Variants in ETV5 observed in about 807,000 individuals in gnomAD.
ETV5 encodes the protein ETS translocation variant 5.
In ETV5, 10 loss-of-function variants were observed where a neutral mutation model predicts 70.0. The observed-to-expected ratio is 0.14, with a 90% CI of 0.09 to 0.24. The LOEUF (loss-of-function observed/expected upper bound fraction) is 0.24, where lower values mean the gene tolerates loss of function less well. Ranked by LOEUF, ETV5 falls within the 10% of genes least tolerant of loss-of-function variation. ETV5 has a pLI of 1.00. For synonymous variants in ETV5, 216 were observed against 242.2 expected (o/e 0.89, Z 1.01); for missense variants, 453 against 651.2 (o/e 0.70, Z 3.31).
At chr3:186,097,547 G>A (rs1225412255) in intron 5 of ETV5, among the ~76,000 whole-genome samples, 1 of 152,170 alleles carries the variant, frequency 6.6e-6, no homozygotes, top group Non-Finnish European at 1.5e-5. Context: ...CTCTCCAGGG[G>A]AAGCTAAACC....
chr3:186,096,879 G>A (rs1405564916), intron 5 of ETV5, among the ~76,000 whole-genome samples: 5 of 152,126 alleles, frequency 3.3e-5, no homozygotes, highest in Non-Finnish European at 7.3e-5. Flanking sequence ...AGATGTTGGA[G>A]GATGTTTAAG....
chr3:186,078,714 G>A (rs1437507960), intron 7 of ETV5, among the ~76,000 whole-genome samples: 1 of 152,026 alleles, frequency 6.6e-6, no homozygotes, highest in East Asian at 1.9e-4. Flanking sequence ...CCCCGTCAGT[G>A]CTCACCCCTT....
At chr3:186,106,237 TAAATA>T (rs1714584572) in intron 1 of ETV5, among the ~76,000 whole-genome samples, 1 of 152,114 alleles carries the variant, frequency 6.6e-6, no homozygotes, top group Non-Finnish European at 1.5e-5. Context: ...CAAAAATAAA[TAAATA>T]AAATAAAATA....
At chr3:186,062,157 T>C (rs1713320019) in intron 9 of ETV5, among the ~76,000 whole-genome samples, 1 of 152,238 alleles carries the variant, frequency 6.6e-6, no homozygotes, top group Non-Finnish European at 1.5e-5. Context: ...CAATGAGTAC[T>C]GTGCAGCCAT....
intron 9 of ETV5, among the ~76,000 whole-genome samples, chr3:186,061,086 G>C (rs1001446904): frequency 2.0e-5 from 3 of 152,158 alleles, no homozygotes; most frequent in African/African-American, 7.2e-5. Flanking sequence ...AACCAAGTGA[G>C]TGCGAAGCAG....
In ETV5 at chr3:186,105,468, T is replaced by C. The variant is rs1466364036; in HGVS notation, c.162A>G (p.Gln54=). 6.2e-7 allele frequency: 1 copy of C among 1,614,178 alleles called. No homozygotes were observed. The highest frequency in any genetic ancestry group is 1.7e-5 in the Admixed American group (1 of 60,024). Residue 54 remains glutamine, a synonymous_variant, in exon 4 of 13, where the codon CAA becomes CAG. Transcript: ENST00000306376. This position sits in a 1 kb window ranked among gnomAD's most constrained non-coding sequence, Gnocchi z 4.5. ...ACTTGCCTTCAGCTAACCAAGCCTC[T>C]TGAAGTTGACTGAGATCCTGAAATA... ...EELFQDLSQL[Q]EAWLAEAQVP...
intron 5 of ETV5, among the ~76,000 whole-genome samples, chr3:186,093,150 G>A (rs1356488925): frequency 6.6e-6 from 1 of 152,188 alleles, no homozygotes; most frequent in Non-Finnish European, 1.5e-5. Flanking sequence ...CCAGGTTGTA[G>A]CTTCTAGCAG....
At chr3:186,086,076 T>C (rs1714052590) in intron 5 of ETV5, among the ~76,000 whole-genome samples, 1 of 152,302 alleles carries the variant, frequency 6.6e-6, no homozygotes, top group South Asian at 2.1e-4. Flanking sequence ...GGCAGGAAGA[T>C]CTTGCGTGAG....
intron 7 of ETV5, among the ~76,000 whole-genome samples, chr3:186,070,578 G>C (rs1713608524): frequency 6.6e-6 from 1 of 152,238 alleles, no homozygotes; most frequent in African/African-American, 2.4e-5. Flanking sequence ...GGGGATCTCA[G>C]GGGTAGGTCA....
chr3:186,066,177 G>C, intron 7 of ETV5, 105 bp from the exon 8 acceptor site: 1 of 913,366 alleles, frequency 1.1e-6, no homozygotes, highest in East Asian at 4.2e-5. Flanking sequence ...TATTTGCAAA[G>C]TACTTAATAA....
chr3:186,075,276 A>G (rs1417341115), intron 7 of ETV5, among the ~76,000 whole-genome samples: 2 of 152,234 alleles, frequency 1.3e-5, no homozygotes, highest in Admixed American at 6.5e-5. Context: ...GCCATACACA[A>G]CATGTTATTA....
chr3:186,057,386 C>T lies in ETV5; in HGVS notation c.1039+37G>A. 1 of 1,611,996 alleles carries T rather than the reference C, an allele frequency of 6.2e-7. No individual in the cohort carries two copies. Among genetic ancestry groups the T allele is most frequent in the Non-Finnish European group, 8.5e-7 (1 of 1,178,062 alleles). On this transcript the variant is annotated intron_variant, in intron 10 of 12. Coordinates refer to ENST00000306376, the MANE Select transcript of ETV5 (RefSeq NM_004454.3). The surrounding 1 kb of genome is among the most constrained non-coding windows in gnomAD (Gnocchi z 4.9). ...CTGAGGTGTTCTGACACCTCCAAAC[C>T]TCTACCTGGCAACAAACCTTGGATG...
At chr3:186,077,327 G>C (rs1713820423) in intron 7 of ETV5, among the ~76,000 whole-genome samples, 1 of 152,136 alleles carries the variant, frequency 6.6e-6, no homozygotes. Context: ...TTTTGGGCAG[G>C]CATAAAAGTT....
intron 6 of ETV5, chr3:186,080,843 G>A: frequency 2.1e-6 from 1 of 482,742 alleles, no homozygotes; most frequent in East Asian, 3.6e-5. Flanking sequence ...GAGCCACAAG[G>A]TTTTTAATGG....
Position 186,046,370 on chromosome 3 carries a change from G to A in ETV5, c.*2269C>T, listed in dbSNP as rs1003338244. 4.4e-6 allele frequency: 1 copy of A among 225,432 alleles called. No homozygotes were observed. The highest frequency in any genetic ancestry group is 5.7e-5 in the Admixed American group (1 of 17,494). 14.0% of individuals were successfully genotyped at this position (225,432 alleles called of 1,614,324 possible). On this transcript the variant is annotated 3_prime_UTR_variant, in exon 13 of 13. Transcript: ENST00000306376. Reference sequence around the variant, plus strand: ...TGTACACAGTACAGAATATAACGCAGCTTGGCAGGATGCATACGGCCCTGC... The same window carrying A: ...TGTACACAGTACAGAATATAACGCAACTTGGCAGGATGCATACGGCCCTGC...
intron 5 of ETV5, 68 bp from the exon 6 acceptor site, chr3:186,081,243 T>G: frequency 6.8e-7 from 1 of 1,466,180 alleles, no homozygotes. Context: ...GCACAATGCT[T>G]CCTTCTGCAA....
intron 7 of ETV5, among the ~76,000 whole-genome samples, chr3:186,067,504 C>T (rs959490215): frequency 6.6e-6 from 1 of 151,996 alleles, no homozygotes; most frequent in African/African-American, 2.4e-5. Context: ...CCCAGCTACT[C>T]AGGAGGCTGC....
intron 12 of ETV5, among the ~76,000 whole-genome samples, chr3:186,051,448 C>G (rs1022408881): frequency 1.3e-5 from 2 of 152,238 alleles, no homozygotes; most frequent in Non-Finnish European, 2.9e-5. Context: ...GAATTTTGTA[C>G]TGATTTCTTC....
chr3:186,067,577 ACTCTAG>A (rs1431583360), intron 7 of ETV5, among the ~76,000 whole-genome samples: 1 of 151,872 alleles, frequency 6.6e-6, no homozygotes, highest in African/African-American at 2.4e-5. Context: ...GCGCCACTGT[ACTCTAG>A]CCTGGGCAAC....
Sources: allele counts gnomAD v4.1 joint callset (sites outside exome capture counted in the v4.1 genomes callset), GRCh38; gene constraint gnomAD v4.1.1; non-coding constraint Gnocchi (gnomAD v3.1); transcripts MANE v1.5; gene names NCBI Gene and HGNC (gene_info 2026-07-23, HGNC 2026-07-21).